TM9SF2: variants seen among roughly 807,000 people sequenced by gnomAD.
The protein encoded by TM9SF2 is 76 kDa membrane protein.
Under a neutral mutation model 84.9 loss-of-function variants are expected in TM9SF2, and 13 were observed. The observed-to-expected ratio is 0.15, with a 90% CI of 0.10 to 0.24. TM9SF2 has a LOEUF of 0.24. Among genes scored for constraint, TM9SF2 ranks in the 10% least tolerant of loss-of-function variants. The pLI, the probability that TM9SF2 is intolerant of heterozygous loss-of-function variation, is 1.00. For synonymous variants in TM9SF2, 273 were observed against 285.8 expected, an observed-to-expected ratio of 0.96 and a Z score of 0.45; for missense variants, 562 against 818.5, an observed-to-expected ratio of 0.69 and a Z score of 3.82.
At chr13:99,527,500 T>TG (rs2046188923) in intron 3 of TM9SF2, among the ~76,000 whole-genome samples, 1 of 152,064 alleles carries the variant, frequency 6.6e-6, no homozygotes, top group Admixed American at 6.6e-5. Context: ...AAGAACAGCG[T>TG]GGGGTACCGC....
chr13:99,534,074 T>G (rs2046223226), intron 4 of TM9SF2, among the ~76,000 whole-genome samples: 1 of 152,216 alleles, frequency 6.6e-6, no homozygotes, highest in Non-Finnish European at 1.5e-5. Flanking sequence ...AACTATTGCT[T>G]TGATACCAGC....
intron 9 of TM9SF2, among the ~76,000 whole-genome samples, chr13:99,543,606 T>G (rs1364380149): frequency 6.6e-6 from 1 of 152,242 alleles, no homozygotes; most frequent in Non-Finnish European, 1.5e-5. Context: ...TCACATTGTC[T>G]TTGTAAAGTT....
chr13:99,523,913 T>C (rs781362749), intron 3 of TM9SF2, among the ~76,000 whole-genome samples: 12 of 152,180 alleles, frequency 7.9e-5, no homozygotes, highest in Non-Finnish European at 1.6e-4. Context: ...AAAAAAGCCT[T>C]ACCGAGAAGG....
chr13:99,501,700 C>T lies in TM9SF2; in HGVS notation c.94C>T (p.Arg32Trp), dbSNP rs759302896. Reference sequence around the variant, plus strand: ...GCTGGGGGCGGTTCCTGGCCCGCGCCGGAGCGGCGCTTTCTACCTGCCCGG... The same window carrying T: ...GCTGGGGGCGGTTCCTGGCCCGCGCTGGAGCGGCGCTTTCTACCTGCCCGG... Reference protein sequence around the residue: ...LLLGAVPGPRRSGAFYLPGLA... With the variant: ...LLLGAVPGPRWSGAFYLPGLA... The change falls in exon 1 of 17, where the codon CGG (arginine) becomes TGG (tryptophan). Residue 32 changes from arginine to tryptophan, a missense_variant. Physicochemically the swap from Arg to Trp is moderately radical, Grantham distance 101 (BLOSUM62 -3). Coordinates refer to ENST00000376387, the MANE Select transcript of TM9SF2 (RefSeq NM_004800.3). 10 of 1,611,606 alleles carry T rather than the reference C, an allele frequency of 6.2e-6. No homozygotes were observed. In the South Asian group the frequency reaches 7.7e-5, roughly 12 times the overall value.
chr13:99,555,661 G>A lies in TM9SF2; in HGVS notation c.1752+14G>A. ...CTATGTGCAGAGGTATGTATTAGCA[G>A]TATTCACTTATGTTAATTTGTAGAC... On this transcript the variant is annotated intron_variant, in intron 15 of 16. Coordinates refer to ENST00000376387, the MANE Select transcript of TM9SF2 (RefSeq NM_004800.3). 1 of 1,552,044 alleles carries A rather than the reference G, an allele frequency of 6.4e-7. No homozygotes were observed. Among genetic ancestry groups the A allele is most frequent in the Non-Finnish European group, 8.9e-7 (1 of 1,129,394 alleles).
At chr13:99,562,214 A>G (rs1173847093) in intron 16 of TM9SF2, among the ~76,000 whole-genome samples, 2 of 152,194 alleles carry the variant, frequency 1.3e-5, no homozygotes, top group Non-Finnish European at 2.9e-5. Flanking sequence ...CACTTTTAAC[A>G]TTTTGTAAAA....
chr13:99,501,530 G>C lies in TM9SF2; in HGVS notation c.-77G>C, dbSNP rs2046064984. 10 of 1,537,058 alleles carry C rather than the reference G, an allele frequency of 6.5e-6. No individual in the cohort carries two copies. The East Asian group carries it at 2.3e-4, about 36-fold the overall frequency. ...TTCCTTTATCTCTGGCGGCCTTGTA[G>C]TCGTCTCCGAGACTCCCCACCCCTC... On this transcript the variant is annotated 5_prime_UTR_variant, in exon 1 of 17. Coordinates refer to ENST00000376387, the MANE Select transcript of TM9SF2 (RefSeq NM_004800.3).
At chr13:99,508,445 C>A (rs973506685) in intron 1 of TM9SF2, among the ~76,000 whole-genome samples, 11 of 99,592 alleles carry the variant, frequency 1.1e-4, no homozygotes, top group African/African-American at 4.2e-4. Flanking sequence ...ACACACACAC[C>A]CCAGAGATTC....
intron 7 of TM9SF2, among the ~76,000 whole-genome samples, chr13:99,540,290 A>G (rs1330699720): frequency 6.6e-6 from 1 of 151,716 alleles, no homozygotes; most frequent in Non-Finnish European, 1.5e-5. Context: ...TAAATAGTAT[A>G]TATTTCTAGA....
intron 10 of TM9SF2, among the ~76,000 whole-genome samples, chr13:99,546,386 A>C (rs576519797): frequency 6.6e-6 from 1 of 152,336 alleles, no homozygotes; most frequent in South Asian, 2.1e-4. Context: ...GAAGGCTTAC[A>C]TAGGGAAGAG....
In TM9SF2 at chr13:99,501,794, G is replaced by C. The variant is rs1050979435; in HGVS notation, c.171+17G>C. On this transcript the variant is annotated intron_variant, in intron 1 of 16. Coordinates refer to ENST00000376387, the MANE Select transcript of TM9SF2 (RefSeq NM_004800.3). Reference sequence around the variant, plus strand: ...GAGTGCAAGGTGGGTGAGGCCTGACGAGCCCTCTGATGCACTGTTGGAAGG... The same window carrying C: ...GAGTGCAAGGTGGGTGAGGCCTGACCAGCCCTCTGATGCACTGTTGGAAGG... 6 of 1,603,260 alleles carry C rather than the reference G, an allele frequency of 3.7e-6. No individual in the cohort carries two copies. The highest frequency in any genetic ancestry group is 5.1e-6 in the Non-Finnish European group (6 of 1,177,694).
intron 4 of TM9SF2, among the ~76,000 whole-genome samples, chr13:99,533,134 G>T (rs2046218087): frequency 6.6e-6 from 1 of 152,198 alleles, no homozygotes; most frequent in Admixed American, 6.5e-5. Context: ...ACAGTATTCT[G>T]TTAGGGAGTT....
rs1238167449 is a variant in TM9SF2, at chr13:99,532,432, A to G, written c.461+2838A>G. 2.6e-5 allele frequency among the ~76,000 whole-genome samples: 4 copies of G among 152,158 alleles called. No individual in the cohort carries two copies. In the East Asian group the frequency reaches 7.8e-4, roughly 30 times the overall value. ...CAGCCCGGCACCGTGGCTCATGCCTATAATCCCAGCATTTTGGGAGGCCAA... is the reference window on the plus strand; with the variant it reads ...CAGCCCGGCACCGTGGCTCATGCCTGTAATCCCAGCATTTTGGGAGGCCAA... On this transcript the variant is annotated intron_variant, in intron 4 of 16. Coordinates refer to ENST00000376387, the MANE Select transcript of TM9SF2 (RefSeq NM_004800.3).
At chr13:99,545,580 T>C (rs2139102569) in intron 10 of TM9SF2, among the ~76,000 whole-genome samples, 1 of 152,122 alleles carries the variant, frequency 6.6e-6, no homozygotes, top group East Asian at 1.9e-4. Flanking sequence ...CTTTCTTTTT[T>C]TTTTTGAGAC....
chr13:99,514,924 A>G (rs1337054722), intron 1 of TM9SF2, among the ~76,000 whole-genome samples: 1 of 152,250 alleles, frequency 6.6e-6, no homozygotes, highest in East Asian at 1.9e-4. Flanking sequence ...AGTAGGGATT[A>G]TTATCACTTC....
chr13:99,547,787 T>C (rs1448692268), intron 11 of TM9SF2, among the ~76,000 whole-genome samples: 1 of 152,072 alleles, frequency 6.6e-6, no homozygotes, highest in Non-Finnish European at 1.5e-5. Flanking sequence ...AATGCCACAG[T>C]CTCGTCTGGG....
At chr13:99,539,373 A>AATCT in intron 6 of TM9SF2, 73 bp from the exon 7 acceptor site, 1 of 900,916 alleles carries the variant, frequency 1.1e-6, no homozygotes, top group Non-Finnish European at 1.8e-6. Context: ...ATACGTACAA[A>AATCT]ATCTGTAACC....
Position 99,518,226 on chromosome 13 carries a change from C to T in TM9SF2, c.239+545C>T, listed in dbSNP as rs550190923. Among the ~76,000 whole-genome samples the T allele has an allele frequency of 1.5e-3, 222 of 152,342 alleles. 1 individual carries two copies. The highest frequency in any genetic ancestry group is 5.1e-3 in the African/African-American group (212 of 41,574). On this transcript the variant is annotated intron_variant, in intron 2 of 16. Transcript: ENST00000376387. ...TCCCGCGTTCAGGCGAATCTCCTGC[C>T]TCAGCCTCGCAAGTAGCTGGGATTA... is the stretch of plus-strand genomic sequence containing the variant.
chr13:99,549,460 GTCTT>G (rs1316977801), intron 12 of TM9SF2, among the ~76,000 whole-genome samples: 1 of 152,166 alleles, frequency 6.6e-6, no homozygotes, highest in Non-Finnish European at 1.5e-5. Context: ...TCTCTTCAAA[GTCTT>G]TCTGTTTCTT....
Sources: allele counts gnomAD v4.1 joint callset (sites outside exome capture counted in the v4.1 genomes callset), GRCh38; gene constraint gnomAD v4.1.1; transcripts MANE v1.5; gene names NCBI Gene and HGNC (gene_info 2026-07-23, HGNC 2026-07-21).